KIF2C: variants seen among roughly 807,000 people sequenced by gnomAD.
KIF2C encodes kinesin-like protein KIF2C.
In KIF2C, 34 loss-of-function variants were observed where a neutral mutation model predicts 97.4. That is an observed-to-expected ratio of 0.35 (90% confidence interval 0.27 to 0.46). The LOEUF (loss-of-function observed/expected upper bound fraction) is 0.46. Among genes scored for constraint, KIF2C ranks in the 20% least tolerant of loss-of-function variants. KIF2C has a pLI of 1.00. For synonymous variants in KIF2C, 313 were observed against 318.2 expected (o/e 0.98, Z 0.17); for missense variants, 750 against 907.6 (o/e 0.83, Z 2.23).
At chr1:44,748,658 A>G (rs997345768) in intron 4 of KIF2C, among the ~76,000 whole-genome samples, 2 of 151,376 alleles carry the variant, frequency 1.3e-5, no homozygotes, top group Non-Finnish European at 2.9e-5. Flanking sequence ...CTCCCACCTC[A>G]GCCTCCCATG....
At chr1:44,752,222 T>C (rs1649568975) in intron 5 of KIF2C, among the ~76,000 whole-genome samples, 1 of 146,086 alleles carries the variant, frequency 6.8e-6, no homozygotes, top group African/African-American at 2.5e-5. Context: ...CACTGCAAGC[T>C]CTGCCTCCCG....
At chr1:44,740,757 G>A (rs530189438) in intron 1 of KIF2C, among the ~76,000 whole-genome samples, 156 bp from the exon 2 acceptor site, 44 of 151,210 alleles carry the variant, frequency 2.9e-4, no homozygotes, top group African/African-American at 1.1e-3. Context: ...GTGAAGCCCA[G>A]GAGATTTATT....
intron 10 of KIF2C, 50 bp from the exon 11 acceptor site, chr1:44,757,506 C>T: frequency 8.2e-7 from 1 of 1,215,882 alleles, no homozygotes; most frequent in Non-Finnish European, 1.2e-6. Flanking sequence ...AGGACATGTT[C>T]CAGGGAGCAC....
chr1:44,759,421 A>C, intron 14 of KIF2C, 73 bp downstream of exon 14: 1 of 1,574,632 alleles, frequency 6.4e-7, no homozygotes, highest in Non-Finnish European at 8.7e-7. Context: ...CTCTGAGCAC[A>C]TTTCTGTTTA....
intron 5 of KIF2C, among the ~76,000 whole-genome samples, chr1:44,751,899 G>A (rs1275843145): frequency 1.5e-5 from 2 of 130,434 alleles, no homozygotes; most frequent in Non-Finnish European, 3.1e-5. Flanking sequence ...TCAGCTCACT[G>A]CAACCTCTGC....
At position 44,757,645 on chromosome 1, in the gene KIF2C, A is replaced by T; in HGVS notation, c.1067A>T (p.His356Leu). 6.2e-7 allele frequency: 1 copy of T among 1,606,446 alleles called. No individual in the cohort carries two copies. Among genetic ancestry groups the T allele is most frequent in the Non-Finnish European group, 8.5e-7 (1 of 1,172,982 alleles). Reference protein sequence around the residue: ...AYGQTGSGKTHTMGGDLSGKA... With the variant: ...AYGQTGSGKTLTMGGDLSGKA... ...GGCCAGACAGGAAGTGGCAAGACAC[A>T]TGTGAGTATTGAGGCCTGGCGGGGA... The change falls in exon 11 of 21, where the codon CAT (histidine) becomes CTT (leucine). Residue 356 changes from histidine (H) to leucine (L), a missense_variant and splice_region_variant. Transcript: ENST00000372224.
chr1:44,742,291 A>G (rs933776570), intron 2 of KIF2C, among the ~76,000 whole-genome samples: 1 of 151,816 alleles, frequency 6.6e-6, no homozygotes, highest in African/African-American at 2.4e-5. Flanking sequence ...TTGTATTTTT[A>G]GTAGAGATGG....
At chr1:44,748,506 G>A (rs186103592) in intron 4 of KIF2C, among the ~76,000 whole-genome samples, 7 of 152,240 alleles carry the variant, frequency 4.6e-5, no homozygotes, top group Non-Finnish European at 5.9e-5. Flanking sequence ...GTCCCATTCC[G>A]TGTTCATGTC....
chr1:44,750,079 CAAAAA>C (rs67811341), intron 4 of KIF2C, among the ~76,000 whole-genome samples: 2 of 68,304 alleles, frequency 2.9e-5, no homozygotes, highest in Non-Finnish European at 3.2e-5. Context: ...CGAAACTCCT[CAAAAA>C]AAAAAAAAAA....
intron 5 of KIF2C, among the ~76,000 whole-genome samples, chr1:44,752,210 C>T (rs1649568045): frequency 7.0e-6 from 1 of 143,834 alleles, no homozygotes; most frequent in African/African-American, 2.6e-5. Context: ...GCGATCTCGG[C>T]TCACTGCAAG....
intron 4 of KIF2C, chr1:44,750,206 G>C (rs1649433551): frequency 6.2e-6 from 2 of 324,792 alleles, no homozygotes; most frequent in African/African-American, 2.1e-5. Flanking sequence ...GCCGCTCTTT[G>C]TGGGAGATAT....
At chr1:44,757,460 G>T (rs1409528114) in intron 10 of KIF2C, 96 bp from the exon 11 acceptor site, 5 of 800,212 alleles carry the variant, frequency 6.2e-6, no homozygotes, top group Non-Finnish European at 1.1e-5. Context: ...CTTAGAAGGA[G>T]GAATCGACCC....
At chr1:44,743,457 G>T (rs1231658469) in intron 2 of KIF2C, among the ~76,000 whole-genome samples, 1 of 152,196 alleles carries the variant, frequency 6.6e-6, no homozygotes, top group East Asian at 1.9e-4. Flanking sequence ...GGATACAGAG[G>T]TGAAGGAGAC....
rs758382839 is a variant in KIF2C at position 44,739,927 on chromosome 1, C to G, written c.-6C>G. ...TGCGCGTTTCTCTTCCTTGCTGACT[C>G]TCCGAATGGCCATGGACTCGTCGCT... On this transcript the variant is annotated 5_prime_UTR_variant, in exon 1 of 21. Transcript: ENST00000372224. 1.2e-5 allele frequency: 19 copies of G among 1,613,838 alleles called. No homozygotes were observed. In the African/African-American group the frequency reaches 1.7e-4, roughly 15 times the overall value.
In KIF2C at chr1:44,750,572, A is replaced by ACC. The variant is rs1649457681; in HGVS notation, c.439+9_439+10insCC. On this transcript the variant is annotated intron_variant, in intron 5 of 20. Transcript: ENST00000372224. ...AGCAGTTTTCAGTTCCTCGTGAGTA[A>ACC]CGAATGTGCCCCCAACCACCATGTT... 6.5e-7 allele frequency: 1 copy of ACC among 1,529,826 alleles called. No homozygotes were observed. Among genetic ancestry groups the ACC allele is most frequent in the Admixed American group, 2.0e-5 (1 of 51,230 alleles). 94.8% of individuals were successfully genotyped at this position (1,529,826 alleles called of 1,614,324 possible). A position where few individuals can be genotyped will look rare whatever the true frequency, so the allele number is the denominator to read the frequency against.
In KIF2C at chr1:44,762,604, T is replaced by G; in HGVS notation, c.1917T>G (p.Thr639=). ...TGTCCAGCTTTAACGAAGCCATGAC[T>G]CAGATCAGGGAGCTGGAGGAGAAGG... ...SQMSSFNEAM[T]QIRELEEKAM... is the part of the protein sequence containing the mutation. Residue 639 remains threonine (T), a synonymous_variant, in exon 19 of 21, where the codon ACT becomes ACG. Transcript: ENST00000372224. 1 of 1,614,104 alleles carries G rather than the reference T, an allele frequency of 6.2e-7. No individual in the cohort carries two copies. Among genetic ancestry groups the G allele is most frequent in the Non-Finnish European group, 8.5e-7 (1 of 1,180,014 alleles).
In KIF2C at chr1:44,760,373, G is replaced by A. The variant is rs770669628; in HGVS notation, c.1461G>A (p.Lys487=). 2 of 1,614,244 alleles carry A rather than the reference G, an allele frequency of 1.2e-6. No homozygotes were observed. Among genetic ancestry groups the A allele is most frequent in the Admixed American group, 1.7e-5 (1 of 60,026 alleles). Residue 487 remains lysine (K), a synonymous_variant, in exon 15 of 21, where the codon AAG becomes AAA. Transcript: ENST00000372224. This position sits in a 1 kb window ranked among gnomAD's most constrained non-coding sequence, Gnocchi z 4.2. Reference sequence around the variant, plus strand: ...GAGCTAAAGGGAGAATGCATGGCAAGTTCTCTTTGGTAGATCTGGCAGGGA... The same window carrying A: ...GAGCTAAAGGGAGAATGCATGGCAAATTCTCTTTGGTAGATCTGGCAGGGA... ...ILRAKGRMHG[K]FSLVDLAGNE... is the part of the protein sequence containing the mutation.
At position 44,753,710 on chromosome 1, in the gene KIF2C, C is replaced by CT. The variant is rs772429656; in HGVS notation, c.563-13dup. 10,340 of 1,272,922 alleles carry CT rather than the reference C, an allele frequency of 8.1e-3. 2 individuals carry two copies. Among genetic ancestry groups the CT allele is most frequent in the South Asian group, 0.012 (786 of 67,000 alleles). 78.9% of individuals were successfully genotyped at this position (1,272,922 alleles called of 1,614,324 possible). A position where few individuals can be genotyped will look rare whatever the true frequency, so the allele number is the denominator to read the frequency against. On this transcript the variant is annotated intron_variant, in intron 6 of 20. Coordinates refer to ENST00000372224, the MANE Select transcript of KIF2C (RefSeq NM_006845.4). Reference sequence around the variant, plus strand: ...AACAGAGTGGGCTTCCTTTTTTTTTCTTTTTTTTTTATGTTTTCATAGTTC... The same window carrying CT: ...AACAGAGTGGGCTTCCTTTTTTTTTCTTTTTTTTTTTATGTTTTCATAGTTC...
chr1:44,753,722 T>C lies in KIF2C; in HGVS notation c.563-11T>C. 2 of 1,555,252 alleles carry C rather than the reference T, an allele frequency of 1.3e-6. No individual in the cohort carries two copies. The highest frequency in any genetic ancestry group is 1.7e-6 in the Non-Finnish European group (2 of 1,147,014). On this transcript the variant is annotated splice_polypyrimidine_tract_variant and intron_variant, in intron 6 of 20. Transcript: ENST00000372224. ...TTCCTTTTTTTTTCTTTTTTTTTTA[T>C]GTTTTCATAGTTCGGAGGAAATCAT... is the stretch of plus-strand genomic sequence containing the variant.
Sources: allele counts gnomAD v4.1 joint callset (sites outside exome capture counted in the v4.1 genomes callset), GRCh38; gene constraint gnomAD v4.1.1; non-coding constraint Gnocchi (gnomAD v3.1); transcripts MANE v1.5; gene names NCBI Gene and HGNC (gene_info 2026-07-23, HGNC 2026-07-21).